The following ZRANB1 variants were observed in gnomAD, a reference collection of about 807,000 sequenced individuals.
The protein encoded by ZRANB1 is zinc finger RANBP2-type containing 1.
In ZRANB1, 16 loss-of-function variants were observed where a neutral mutation model predicts 80.5. The ratio of observed to expected loss-of-function variants is 0.20; its 90% confidence interval spans 0.13 to 0.30. The LOEUF is 0.30. Ranked by LOEUF, ZRANB1 falls within the 10% of genes least tolerant of loss-of-function variation. ZRANB1 has a pLI of 1.00. For synonymous variants in ZRANB1, 291 were observed against 293.1 expected (o/e 0.99, Z 0.07); for missense variants, 576 against 862.6 (o/e 0.67, Z 4.16).
intron 2 of ZRANB1, among the ~76,000 whole-genome samples, chr10:124,971,475 G>A (rs984109083): frequency 1.3e-5 from 2 of 152,174 alleles, no homozygotes; most frequent in African/African-American, 4.8e-5. Flanking sequence ...AAGGGCTTGA[G>A]GTCAGTGGGA....
upstream of ZRANB1, among the ~76,000 whole-genome samples, chr10:124,939,637 G>A (rs1174798248): frequency 1.3e-5 from 2 of 152,162 alleles, no homozygotes; most frequent in African/African-American, 4.8e-5. Flanking sequence ...GATTTTGAAT[G>A]TGAATATTTT....
intron 1 of ZRANB1, among the ~76,000 whole-genome samples, chr10:124,956,131 G>A (rs1251221995): frequency 6.6e-6 from 1 of 152,180 alleles, no homozygotes. Context: ...CGTGATTCTT[G>A]ATTATGTGAT....
intron 5 of ZRANB1, among the ~76,000 whole-genome samples, chr10:124,978,793 A>ATTTTTTTTTTT (rs35714295): frequency 9.5e-5 from 11 of 115,422 alleles, no homozygotes; most frequent in South Asian, 2.9e-4. Flanking sequence ...TTCCCAGCTA[A>ATTTTTTTTTTT]TTTTTTTTTT....
rs184853984 is a variant in ZRANB1 at position 124,975,910 on chromosome 10, G to A, written c.1427+1512G>A. ...CCAGCTATTCAGGAAGCTGAGGCACGAGAATTGCTTAAATCCAGGAGGAAG... is the reference window on the plus strand; with the variant it reads ...CCAGCTATTCAGGAAGCTGAGGCACAAGAATTGCTTAAATCCAGGAGGAAG... On this transcript the variant is annotated intron_variant, in intron 5 of 8. Coordinates refer to ENST00000359653, the MANE Select transcript of ZRANB1 (RefSeq NM_017580.3). Among the ~76,000 whole-genome samples the A allele has an allele frequency of 2.6e-5, 4 of 152,316 alleles. No homozygotes were observed. In the East Asian group the frequency reaches 5.8e-4, roughly 22 times the overall value.
the ZRANB1 span, among the ~76,000 whole-genome samples, chr10:124,926,199 T>C: frequency 2.0e-5 from 3 of 152,240 alleles, no homozygotes; most frequent in East Asian, 5.8e-4. Flanking sequence ...AGGACATTAC[T>C]ATACACCACT....
chr10:124,926,888 TGGGG>T, the ZRANB1 span, among the ~76,000 whole-genome samples: 1 of 152,236 alleles, frequency 6.6e-6, no homozygotes. Flanking sequence ...TATAATCTTA[TGGGG>T]ACTACTGTCA....
Position 124,981,025 on chromosome 10 carries a change from T to C in ZRANB1, c.1428-684T>C, listed in dbSNP as rs555001761. Among the ~76,000 whole-genome samples the C allele has an allele frequency of 9.4e-4, 143 of 152,358 alleles. 2 individuals carry two copies. The highest frequency in any genetic ancestry group is 4.9e-4 in the Non-Finnish European group (33 of 68,040). ...AATGTGATGTTATAAACAGATTAAATGTCTGTCTGCATTTTAGAGGTCTTA... is the reference window on the plus strand; with the variant it reads ...AATGTGATGTTATAAACAGATTAAACGTCTGTCTGCATTTTAGAGGTCTTA... On this transcript the variant is annotated intron_variant, in intron 5 of 8. Coordinates refer to ENST00000359653, the MANE Select transcript of ZRANB1 (RefSeq NM_017580.3).
chr10:124,927,360 T>C, the ZRANB1 span, among the ~76,000 whole-genome samples: 2 of 152,230 alleles, frequency 1.3e-5, 1 homozygote, highest in Admixed American at 1.3e-4. Context: ...CTCTTAGTGT[T>C]GCACAGTAAA....
At chr10:124,927,728 T>G in the ZRANB1 span, among the ~76,000 whole-genome samples, 11 of 152,150 alleles carry the variant, frequency 7.2e-5, no homozygotes, top group Non-Finnish European at 1.3e-4. Flanking sequence ...TAGAAGTTTG[T>G]TTTGAAGTGG....
chr10:124,971,642 G>T (rs756129247), intron 2 of ZRANB1, among the ~76,000 whole-genome samples: 5 of 152,160 alleles, frequency 3.3e-5, no homozygotes, highest in Non-Finnish European at 7.3e-5. Context: ...GTCTACTGAG[G>T]TTTTCTGTCC....
intron 1 of ZRANB1, among the ~76,000 whole-genome samples, chr10:124,944,395 A>G (rs1487258644): frequency 6.6e-6 from 1 of 152,130 alleles, no homozygotes; most frequent in Non-Finnish European, 1.5e-5. Flanking sequence ...CAGCCCAAGA[A>G]TATGGAAAGT....
At chr10:124,932,711 C>T in the ZRANB1 span, among the ~76,000 whole-genome samples, 1 of 150,932 alleles carries the variant, frequency 6.6e-6, no homozygotes, top group Non-Finnish European at 1.5e-5. Context: ...TTTGTAATTA[C>T]CTAATGATGT....
chr10:124,959,623 C>A (rs997876068), intron 1 of ZRANB1, among the ~76,000 whole-genome samples: 1 of 152,086 alleles, frequency 6.6e-6, no homozygotes, highest in Non-Finnish European at 1.5e-5. Context: ...CATGCCAGCA[C>A]GCCTGGCTTA....
chr10:124,922,296 G>A, the ZRANB1 span, among the ~76,000 whole-genome samples: 1 of 28,654 alleles, frequency 3.5e-5, no homozygotes, highest in Non-Finnish European at 2.1e-4. Context: ...ATATATATAT[G>A]TAAAATATAT....
At position 124,986,188 on chromosome 10, in the gene ZRANB1, A is replaced by C. The variant is rs772873796; in HGVS notation, c.*1196A>C. On this transcript the variant is annotated 3_prime_UTR_variant, in exon 9 of 9. Transcript: ENST00000359653. ...ATTCAATACTGGGTAAAAATTTCAG[A>C]CCTATCTCAGGAACACAGAAATATT... 6.6e-6 allele frequency: 1 copy of C among 152,482 alleles called. No individual in the cohort carries two copies. Among genetic ancestry groups the C allele is most frequent in the African/African-American group, 2.4e-5 (1 of 41,374 alleles). 9.4% of individuals were successfully genotyped at this position (152,482 alleles called of 1,614,324 possible).
chr10:124,976,815 G>A (rs960712570), intron 5 of ZRANB1, among the ~76,000 whole-genome samples: 1 of 150,816 alleles, frequency 6.6e-6, no homozygotes, highest in Non-Finnish European at 1.5e-5. Context: ...CAGGCAGTCC[G>A]CCCACCTCGA....
At chr10:124,925,404 G>T in the ZRANB1 span, among the ~76,000 whole-genome samples, 1 of 152,064 alleles carries the variant, frequency 6.6e-6, no homozygotes, top group South Asian at 2.1e-4. Context: ...GTTTAGAGTG[G>T]TGTTTATTTC....
At chr10:124,981,504 G>T in intron 5 of ZRANB1, 1 of 383,806 alleles carries the variant, frequency 2.6e-6, no homozygotes, top group South Asian at 5.8e-5. Context: ...TCTGACTAAA[G>T]ATGTTAAAGG....
chr10:124,930,087 A>T, the ZRANB1 span, among the ~76,000 whole-genome samples: 1 of 152,160 alleles, frequency 6.6e-6, no homozygotes, highest in Non-Finnish European at 1.5e-5. Context: ...CGTGATGTTA[A>T]TGGGTTTTGA....
Sources: allele counts gnomAD v4.1 joint callset (sites outside exome capture counted in the v4.1 genomes callset), GRCh38; gene constraint gnomAD v4.1.1; transcripts MANE v1.5; gene names NCBI Gene and HGNC (gene_info 2026-07-23, HGNC 2026-07-21).